Variants in LARGE1 observed in about 807,000 individuals in gnomAD.
LARGE1 encodes LARGE xylosyl- and glucuronyltransferase 1.
A neutral mutation model predicts 87.6 loss-of-function variants in LARGE1; 43 were observed. That is an observed-to-expected ratio of 0.49 (90% CI 0.38 to 0.63). LARGE1 has a LOEUF of 0.63. LARGE1 is among the 30% of genes least tolerant of loss of function. LARGE1 has a pLI of 0.00. For missense variants in LARGE1, 802 were observed against 1,000.2 expected (o/e 0.80, Z 2.67); for synonymous variants, 434 against 394.6 (o/e 1.10, Z -1.18).
chr22:33,577,564 C>G (rs2078391011), intron 5 of LARGE1, among the ~76,000 whole-genome samples: 1 of 152,220 alleles, frequency 6.6e-6, no homozygotes, highest in African/African-American at 2.4e-5. Flanking sequence ...CTTACCTCCG[C>G]CTTCCCATGG....
intron 6 of LARGE1, among the ~76,000 whole-genome samples, chr22:33,485,338 C>T (rs1026563547): frequency 4.0e-5 from 6 of 151,352 alleles, no homozygotes; most frequent in African/African-American, 7.3e-5. Context: ...CCCAGCCTCC[C>T]GAGTAGCTGG....
chr22:33,342,692 G>C lies in LARGE1; in HGVS notation c.1132-4891C>G, dbSNP rs5994720. On this transcript the variant is annotated intron_variant, in intron 9 of 14. Coordinates refer to ENST00000397394, the MANE Select transcript of LARGE1 (RefSeq NM_133642.5). The stretch of plus-strand genomic sequence containing the variant: ...GTCTCCTGGTGCCCCACAACCCACC[G>C]CAAGCCGTCTGTTAGCTCATCAAGC... 7.4e-4 allele frequency among the ~76,000 whole-genome samples: 112 copies of C among 152,254 alleles called. 1 individual carries two copies. The highest frequency in any genetic ancestry group is 2.6e-3 in the African/African-American group (108 of 41,552).
At chr22:33,697,008 T>C (rs1223752094) in intron 2 of LARGE1, among the ~76,000 whole-genome samples, 1 of 152,084 alleles carries the variant, frequency 6.6e-6, no homozygotes, top group Non-Finnish European at 1.5e-5. Context: ...ACATTAGACA[T>C]TTTCCAAACT....
intron 6 of LARGE1, among the ~76,000 whole-genome samples, chr22:33,498,093 T>C (rs1036381530): frequency 8.8e-4 from 134 of 152,142 alleles, no homozygotes; most frequent in African/African-American, 3.1e-3. Context: ...GCATGTTGGT[T>C]AGGCTGGTCT....
chr22:33,590,621 T>C (rs1249619564), intron 5 of LARGE1, among the ~76,000 whole-genome samples: 1 of 152,192 alleles, frequency 6.6e-6, no homozygotes, highest in Non-Finnish European at 1.5e-5. Flanking sequence ...GAATGTCACA[T>C]CAATGGAACC....
At chr22:33,641,493 C>T (rs535092046) in intron 3 of LARGE1, among the ~76,000 whole-genome samples, 20 of 152,238 alleles carry the variant, frequency 1.3e-4, no homozygotes, top group Admixed American at 1.0e-3. Flanking sequence ...GATCGCAACT[C>T]CTCTCCAGCA....
In LARGE1 at chr22:33,761,549, A is replaced by G. The variant is rs2084730769; in HGVS notation, c.-73T>C. On this transcript the variant is annotated 5_prime_UTR_variant, in exon 2 of 15. The change abolishes an upstream ATG in the 5' untranslated region. Transcript: ENST00000397394. Reference sequence around the variant, plus strand: ...GAGCATGAAGTCCTCGGCCTCCCTCATAATACTCTCTGAAAGGAAGAGCAA... The same window carrying G: ...GAGCATGAAGTCCTCGGCCTCCCTCGTAATACTCTCTGAAAGGAAGAGCAA... The G allele has an allele frequency of 3.5e-6, 4 of 1,158,268 alleles. No individual in the cohort carries two copies. The highest frequency in any genetic ancestry group is 5.2e-6 in the Non-Finnish European group (4 of 768,750). 71.7% of individuals were successfully genotyped at this position (1,158,268 alleles called of 1,614,324 possible).
intron 1 of LARGE1, among the ~76,000 whole-genome samples, chr22:33,865,407 GTGACAC>G (rs1360593356): frequency 1.3e-5 from 2 of 152,176 alleles, no homozygotes; most frequent in African/African-American, 4.8e-5. Context: ...TCTTTTCAAA[GTGACAC>G]TGACACAACT....
At chr22:33,619,616 T>G (rs1254330618) in intron 4 of LARGE1, among the ~76,000 whole-genome samples, 1 of 151,966 alleles carries the variant, frequency 6.6e-6, no homozygotes, top group Non-Finnish European at 1.5e-5. Flanking sequence ...GAGAACTTCT[T>G]TTTGTTGAGA....
At chr22:33,333,076 G>A (rs1223776360) in intron 10 of LARGE1, among the ~76,000 whole-genome samples, 2 of 148,966 alleles carry the variant, frequency 1.3e-5, no homozygotes, top group Middle Eastern at 3.6e-3. Flanking sequence ...GCGTGATCTC[G>A]GCTCACTGCA....
Position 33,725,877 on chromosome 22 carries a change from A to G in LARGE1, c.106+35494T>C, listed in dbSNP as rs239321. The G allele has an allele frequency of 0.62, 94,301 of 151,866 alleles. 30,887 individuals are homozygous for G. The highest frequency in any genetic ancestry group is 0.84 in the African/African-American group (34,884 of 41,434). 9.4% of individuals were successfully genotyped at this position (151,866 alleles called of 1,614,324 possible). On this transcript the variant is annotated intron_variant, in intron 2 of 14. Transcript: ENST00000397394. The stretch of plus-strand genomic sequence containing the variant: ...ACTCTGTGCCAGTACTTTTCAGCCA[A>G]GGGCAATTTGCCCCCCTGCCGCGGA...
At chr22:33,692,140 A>C (rs1238007242) in intron 2 of LARGE1, among the ~76,000 whole-genome samples, 1 of 152,188 alleles carries the variant, frequency 6.6e-6, no homozygotes, top group African/African-American at 2.4e-5. Flanking sequence ...ATCAATGTCC[A>C]AAATGGAAAA....
chr22:33,204,524 C>A (rs1413000414), intron 11 of LARGE1, among the ~76,000 whole-genome samples: 4 of 152,168 alleles, frequency 2.6e-5, no homozygotes. Flanking sequence ...CTGATTCTAG[C>A]ACCTAATTAA....
intron 11 of LARGE1, among the ~76,000 whole-genome samples, chr22:33,206,769 T>C (rs2146222850): frequency 6.6e-6 from 1 of 152,358 alleles, no homozygotes; most frequent in Non-Finnish European, 1.5e-5. Flanking sequence ...AAATAGTTTT[T>C]TGAACAATCA....
chr22:33,214,182 G>A (rs1278626319), intron 11 of LARGE1, among the ~76,000 whole-genome samples: 1 of 152,136 alleles, frequency 6.6e-6, no homozygotes, highest in African/African-American at 2.4e-5. Flanking sequence ...AGTTCTGGAG[G>A]CTACAAGTCC....
At chr22:33,655,089 G>C (rs1157818413) in intron 2 of LARGE1, among the ~76,000 whole-genome samples, 1 of 152,170 alleles carries the variant, frequency 6.6e-6, no homozygotes, top group Non-Finnish European at 1.5e-5. Flanking sequence ...GCAACAATTT[G>C]AGGATATGGT....
the LARGE1 span, among the ~76,000 whole-genome samples, chr22:33,143,276 T>G: frequency 6.6e-6 from 1 of 152,148 alleles, no homozygotes; most frequent in Non-Finnish European, 1.5e-5. Context: ...TGAATGTCAA[T>G]GGGTCAACTT....
At chr22:33,295,106 G>A (rs1933056001) in intron 12 of LARGE1, among the ~76,000 whole-genome samples, 1 of 152,154 alleles carries the variant, frequency 6.6e-6, no homozygotes, top group African/African-American at 2.4e-5. Flanking sequence ...TCCTTCCTGG[G>A]TCCTTTACAG....
intron 5 of LARGE1, among the ~76,000 whole-genome samples, chr22:33,579,713 A>G (rs550055203): frequency 5.9e-5 from 9 of 152,136 alleles, no homozygotes; most frequent in African/African-American, 1.9e-4. Flanking sequence ...AAGCCATGCT[A>G]AAGTGTCATC....
Sources: allele counts gnomAD v4.1 joint callset (sites outside exome capture counted in the v4.1 genomes callset), GRCh38; gene constraint gnomAD v4.1.1; transcripts MANE v1.5; gene names NCBI Gene and HGNC (gene_info 2026-07-23, HGNC 2026-07-21).